LRRC4C: variants seen among roughly 807,000 people sequenced by gnomAD.
LRRC4C encodes the protein leucine rich repeat containing 4C.
In LRRC4C, 5 loss-of-function variants were observed where a neutral mutation model predicts 33.6. The ratio of observed to expected loss-of-function variants is 0.15; its 90% CI spans 0.08 to 0.31. The LOEUF is 0.31. LRRC4C is among the 10% of genes least tolerant of loss of function. The pLI is 1.00. For synonymous variants in LRRC4C, 329 were observed against 302.0 expected (o/e 1.09, Z -0.93); for missense variants, 560 against 796.7 (o/e 0.70, Z 3.58).
chr11:40,588,065 T>C (rs1958846720), intron 3 of LRRC4C, among the ~76,000 whole-genome samples: 1 of 151,928 alleles, frequency 6.6e-6, no homozygotes. Flanking sequence ...CAGTTCCTCC[T>C]TGTACCTCTG....
intron 2 of LRRC4C, among the ~76,000 whole-genome samples, chr11:40,735,431 G>T (rs553100583): frequency 6.9e-6 from 1 of 145,440 alleles, no homozygotes; most frequent in African/African-American, 2.5e-5. Context: ...TTGTCCTTCC[G>T]ATAGTTTGCT....
chr11:40,221,066 G>T (rs1305174292), intron 5 of LRRC4C, among the ~76,000 whole-genome samples: 4 of 151,918 alleles, frequency 2.6e-5, no homozygotes, highest in African/African-American at 9.7e-5. Context: ...AGTAGAGACG[G>T]GGTTTCACCA....
chr11:40,471,214 C>A (rs530364376), intron 3 of LRRC4C, among the ~76,000 whole-genome samples: 2 of 152,134 alleles, frequency 1.3e-5, no homozygotes, highest in African/African-American at 4.8e-5. Context: ...AGCCAGAATA[C>A]GGTAGAGGAC....
chr11:40,745,147 G>A (rs1035859329), intron 2 of LRRC4C, among the ~76,000 whole-genome samples: 1 of 152,120 alleles, frequency 6.6e-6, no homozygotes, highest in Non-Finnish European at 1.5e-5. Context: ...AAGTTTAATG[G>A]CGATACGCAG....
chr11:40,545,792 T>C (rs1413357629), intron 3 of LRRC4C, among the ~76,000 whole-genome samples: 1 of 151,890 alleles, frequency 6.6e-6, no homozygotes, highest in Non-Finnish European at 1.5e-5. Flanking sequence ...GTCAACAAAA[T>C]TATGTCAAAA....
At chr11:40,524,828 G>T (rs144712225) in intron 3 of LRRC4C, among the ~76,000 whole-genome samples, 47 of 152,272 alleles carry the variant, frequency 3.1e-4, no homozygotes, top group Non-Finnish European at 5.9e-4. Flanking sequence ...TACCCTTTTG[G>T]AGCTCGCATA....
At chr11:40,876,214 A>G (rs2135978437) in intron 2 of LRRC4C, among the ~76,000 whole-genome samples, 1 of 148,330 alleles carries the variant, frequency 6.7e-6, no homozygotes, top group East Asian at 2.0e-4. Flanking sequence ...TTGGTTCACC[A>G]GGCTTATTCA....
chr11:40,582,525 T>G (rs1198458476), intron 3 of LRRC4C, among the ~76,000 whole-genome samples: 1 of 150,046 alleles, frequency 6.7e-6, no homozygotes, highest in Non-Finnish European at 1.5e-5. Flanking sequence ...TTTTTTTTTT[T>G]TTTTTTTTTT....
intron 5 of LRRC4C, among the ~76,000 whole-genome samples, chr11:40,236,631 G>T (rs1865579284): frequency 6.6e-6 from 1 of 151,880 alleles, no homozygotes; most frequent in South Asian, 2.1e-4. Flanking sequence ...GGTCCCTGAG[G>T]CACCCCCCTC....
chr11:40,929,001 T>G (rs1174796122), intron 2 of LRRC4C, among the ~76,000 whole-genome samples: 2 of 152,202 alleles, frequency 1.3e-5, no homozygotes, highest in African/African-American at 2.4e-5. Flanking sequence ...TATCAAGAAC[T>G]GCCTCTTTCC....
At chr11:40,403,979 A>C (rs2137570093) in intron 3 of LRRC4C, among the ~76,000 whole-genome samples, 1 of 152,274 alleles carries the variant, frequency 6.6e-6, no homozygotes, top group Non-Finnish European at 1.5e-5. Flanking sequence ...ATGACCCATA[A>C]GGTTTTCATG....
intron 3 of LRRC4C, among the ~76,000 whole-genome samples, chr11:40,347,704 G>T (rs1947197918): frequency 6.6e-6 from 1 of 152,176 alleles, no homozygotes; most frequent in Non-Finnish European, 1.5e-5. Flanking sequence ...TGCCTCCGGG[G>T]TTCGAGCGAT....
At chr11:41,006,554 C>T (rs920768606) in intron 1 of LRRC4C, among the ~76,000 whole-genome samples, 1 of 152,100 alleles carries the variant, frequency 6.6e-6, no homozygotes, top group Non-Finnish European at 1.5e-5. Flanking sequence ...GATGACTAGG[C>T]CTTCATTTTC....
intron 2 of LRRC4C, among the ~76,000 whole-genome samples, chr11:40,854,656 C>A (rs1244089968): frequency 2.0e-5 from 3 of 151,052 alleles, no homozygotes; most frequent in Admixed American, 6.6e-5. Flanking sequence ...GGCAAACCTG[C>A]AAAATTTTAT....
At chr11:40,861,937 T>C (rs1954124642) in intron 2 of LRRC4C, among the ~76,000 whole-genome samples, 1 of 152,166 alleles carries the variant, frequency 6.6e-6, no homozygotes, top group Admixed American at 6.5e-5. Flanking sequence ...ATGAGGGCTC[T>C]GGTCCTGTGA....
intron 1 of LRRC4C, among the ~76,000 whole-genome samples, chr11:41,007,972 T>G (rs182845967): frequency 6.6e-6 from 1 of 152,182 alleles, no homozygotes; most frequent in Non-Finnish European, 1.5e-5. Flanking sequence ...TATTCTTTCA[T>G]ATTCCATTTT....
intron 1 of LRRC4C, among the ~76,000 whole-genome samples, chr11:41,175,727 A>C (rs936739030): frequency 6.6e-6 from 1 of 152,164 alleles, no homozygotes; most frequent in Admixed American, 6.5e-5. Context: ...TAGCAGTAAA[A>C]TGTTTACTTC....
At chr11:41,145,677 A>G (rs778548606) in intron 1 of LRRC4C, among the ~76,000 whole-genome samples, 4 of 152,064 alleles carry the variant, frequency 2.6e-5, no homozygotes, top group Non-Finnish European at 5.9e-5. Context: ...TCCTTTCTAG[A>G]CTGTCCATTT....
chr11:40,660,817 T>C (rs1178477797), intron 2 of LRRC4C, among the ~76,000 whole-genome samples: 3 of 152,214 alleles, frequency 2.0e-5, no homozygotes, highest in African/African-American at 4.8e-5. Context: ...ACCGTGTGAA[T>C]GTGAACACAT....
Sources: gnomAD v4.1 joint callset for allele counts (sites outside exome capture counted in the v4.1 genomes callset) on GRCh38, gnomAD v4.1.1 for gene constraint, MANE v1.5 for transcripts, NCBI Gene and HGNC (gene_info 2026-07-23, HGNC 2026-07-21) for gene names.